OXSR1: variants seen among roughly 807,000 people sequenced by gnomAD.
OXSR1 encodes oxidative stress responsive kinase 1, also known as serine/threonine-protein kinase OSR1.
OXSR1 carries 24 observed loss-of-function variants against 79.8 expected under a neutral mutation model. The ratio of observed to expected loss-of-function variants is 0.30; its 90% CI spans 0.22 to 0.42. The LOEUF (loss-of-function observed/expected upper bound fraction) is 0.42. OXSR1 is among the 10% of genes least tolerant of loss of function. OXSR1 has a pLI of 1.00. For synonymous variants in OXSR1, 226 were observed against 209.2 expected, an observed-to-expected ratio of 1.08 and a Z score of -0.69; for missense variants, 430 against 618.4, an observed-to-expected ratio of 0.70 and a Z score of 3.23.
intron 6 of OXSR1, 113 bp downstream of exon 6, chr3:38,221,800 C>T (rs984039057): frequency 1.7e-6 from 1 of 596,922 alleles, no homozygotes; most frequent in African/African-American, 1.9e-5. Flanking sequence ...GGAAACATGT[C>T]CCTGTTCCTT....
chr3:38,171,634 A>G (rs993905686), intron 1 of OXSR1, among the ~76,000 whole-genome samples: 1 of 151,362 alleles, frequency 6.6e-6, no homozygotes, highest in African/African-American at 2.4e-5. Flanking sequence ...TTAGGAACAT[A>G]TTAAAAGCCT....
chr3:38,227,545 C>CCACACACACACACA (rs58097834), intron 8 of OXSR1, among the ~76,000 whole-genome samples: 11 of 138,426 alleles, frequency 7.9e-5, no homozygotes, highest in African/African-American at 2.9e-4. Context: ...GTATGCACAT[C>CCACACACACACACA]CACACACACA....
chr3:38,224,355 C>T (rs1407982359), intron 7 of OXSR1, among the ~76,000 whole-genome samples: 2 of 152,076 alleles, frequency 1.3e-5, no homozygotes, highest in African/African-American at 4.8e-5. Flanking sequence ...ATATCCATTG[C>T]GTGTGTGTGT....
chr3:38,213,843 G>A (rs1702434356), intron 4 of OXSR1, among the ~76,000 whole-genome samples: 1 of 152,132 alleles, frequency 6.6e-6, no homozygotes, highest in Non-Finnish European at 1.5e-5. Flanking sequence ...CATAATGTAT[G>A]TCTCTGTGTC....
chr3:38,230,518 A>G (rs1380591665), intron 10 of OXSR1, 88 bp downstream of exon 10: 3 of 841,174 alleles, frequency 3.6e-6, no homozygotes, highest in Non-Finnish European at 4.0e-6. Context: ...TGTTAATAGT[A>G]TATGAGAATT....
intron 1 of OXSR1, among the ~76,000 whole-genome samples, chr3:38,180,280 A>C (rs1360738357): frequency 6.6e-6 from 1 of 152,080 alleles, no homozygotes; most frequent in Non-Finnish European, 1.5e-5. Flanking sequence ...GTTCAAGTTC[A>C]CATTGTTCAT....
chr3:38,193,443 A>G (rs1702019664), intron 3 of OXSR1: 1 of 1,233,646 alleles, frequency 8.1e-7, no homozygotes, highest in Non-Finnish European at 1.1e-6. Context: ...TTCGTTATTG[A>G]TCACCTATAG....
intron 10 of OXSR1, among the ~76,000 whole-genome samples, chr3:38,233,390 C>CA (rs1369929879): frequency 1.3e-5 from 2 of 152,170 alleles, no homozygotes; most frequent in Non-Finnish European, 2.9e-5. Flanking sequence ...TCACCCACAT[C>CA]ACTCTGCAGT....
intron 2 of OXSR1, among the ~76,000 whole-genome samples, chr3:38,189,251 G>A (rs1359578024): frequency 6.6e-6 from 1 of 151,810 alleles, no homozygotes; most frequent in Admixed American, 6.6e-5. Context: ...CCTTCATGCT[G>A]TTTCTCAGCA....
At chr3:38,243,240 G>C (rs1703072285) in intron 12 of OXSR1, among the ~76,000 whole-genome samples, 1 of 151,854 alleles carries the variant, frequency 6.6e-6, no homozygotes, top group African/African-American at 2.4e-5. Context: ...ATGTTGCCCT[G>C]GCTGGTCTCA....
At chr3:38,198,374 C>T (rs1702103802) in intron 3 of OXSR1, among the ~76,000 whole-genome samples, 1 of 152,050 alleles carries the variant, frequency 6.6e-6, no homozygotes. Context: ...CTAATCTGAT[C>T]TTAAAAGCCT....
At chr3:38,194,706 C>G (rs1297275331) in intron 3 of OXSR1, among the ~76,000 whole-genome samples, 1 of 152,088 alleles carries the variant, frequency 6.6e-6, no homozygotes, top group Non-Finnish European at 1.5e-5. Flanking sequence ...AGATTCACAG[C>G]TGGAGCAGAG....
At chr3:38,187,793 C>G (rs898760743) in intron 2 of OXSR1, among the ~76,000 whole-genome samples, 11 of 151,730 alleles carry the variant, frequency 7.2e-5, no homozygotes, top group African/African-American at 2.7e-4. Flanking sequence ...ACTCTGTTGC[C>G]CAGGCTGGTC....
At chr3:38,194,939 T>A (rs1296992417) in intron 3 of OXSR1, among the ~76,000 whole-genome samples, 1 of 152,192 alleles carries the variant, frequency 6.6e-6, no homozygotes, top group Non-Finnish European at 1.5e-5. Flanking sequence ...GAATAGTGAG[T>A]GTCACTCTTA....
chr3:38,186,579 G>A (rs1490306294), intron 2 of OXSR1, among the ~76,000 whole-genome samples: 2 of 152,134 alleles, frequency 1.3e-5, no homozygotes, highest in African/African-American at 4.8e-5. Context: ...GGCCTTTTGT[G>A]TCTGGCTTTC....
In OXSR1 at chr3:38,237,380, C is replaced by T. The variant is rs575576395; in HGVS notation, c.1074+419C>T. Among the ~76,000 whole-genome samples, 9 of 152,236 alleles carry T rather than the reference C, an allele frequency of 5.9e-5. No homozygotes were observed. The South Asian group carries it at 1.4e-3, about 24-fold the overall frequency. On this transcript the variant is annotated intron_variant, in intron 11 of 17. Coordinates refer to ENST00000311806, the MANE Select transcript of OXSR1 (RefSeq NM_005109.3). ...ATATCCTAGATATCTGTCGTGCACA[C>T]GTGTGTGTGTTTCCTAAAAACAGTG...
chr3:38,177,136 C>T (rs1227988533), intron 1 of OXSR1, among the ~76,000 whole-genome samples: 1 of 152,230 alleles, frequency 6.6e-6, no homozygotes, highest in African/African-American at 2.4e-5. Flanking sequence ...AGGTACCTTG[C>T]AGAGGCCATG....
chr3:38,205,712 G>C (rs1702253415), intron 4 of OXSR1, among the ~76,000 whole-genome samples: 1 of 152,204 alleles, frequency 6.6e-6, no homozygotes, highest in Non-Finnish European at 1.5e-5. Flanking sequence ...CTGTGGCAGA[G>C]AAGCTGCCAG....
At chr3:38,205,094 C>G (rs995092720) in intron 4 of OXSR1, among the ~76,000 whole-genome samples, 7 of 152,272 alleles carry the variant, frequency 4.6e-5, no homozygotes, top group Non-Finnish European at 8.8e-5. Flanking sequence ...TGTGGCAGAG[C>G]AGCACTGAGT....
Sources: gnomAD v4.1 joint callset for allele counts (sites outside exome capture counted in the v4.1 genomes callset) on GRCh38, gnomAD v4.1.1 for gene constraint, MANE v1.5 for transcripts, NCBI Gene and HGNC (gene_info 2026-07-23, HGNC 2026-07-21) for gene names.